CMPK1: variants seen among roughly 807,000 people sequenced by gnomAD.
CMPK1 encodes UMP-CMP kinase.
A neutral mutation model predicts 25.7 loss-of-function variants in CMPK1; 10 were observed. The observed-to-expected ratio is 0.39, with a 90% CI of 0.24 to 0.66. The LOEUF is 0.66. Ranked by LOEUF, CMPK1 falls within the 30% of genes least tolerant of loss-of-function variation. The pLI is 0.48. For synonymous variants in CMPK1, 106 were observed against 101.5 expected, an observed-to-expected ratio of 1.04 and a Z score of -0.27; for missense variants, 199 against 280.5, an observed-to-expected ratio of 0.71 and a Z score of 2.08.
intron 5 of CMPK1, among the ~76,000 whole-genome samples, chr1:47,376,094 TA>T (rs1483615779): frequency 6.6e-6 from 1 of 151,860 alleles, no homozygotes; most frequent in African/African-American, 2.4e-5. Context: ...TTTATCAAAT[TA>T]TTGGTAGCCT....
At chr1:47,359,686 G>T (rs1390701374) in intron 1 of CMPK1, among the ~76,000 whole-genome samples, 2 of 151,930 alleles carry the variant, frequency 1.3e-5, no homozygotes, top group East Asian at 3.9e-4. Flanking sequence ...CCCACACCTG[G>T]CCTGAAACCT....
chr1:47,375,308 C>A lies in CMPK1; in HGVS notation c.645+15C>A, dbSNP rs759415022. The A allele has an allele frequency of 2.7e-6, 4 of 1,472,646 alleles. No homozygotes were observed. In the African/African-American group the frequency reaches 4.3e-5, roughly 16 times the overall value. The allele number at this position is 1,472,646 out of a possible 1,614,324, so 91.2% of individuals were successfully genotyped here. A position where few individuals can be genotyped will look rare whatever the true frequency, so the allele number is the denominator to read the frequency against. On this transcript the variant is annotated intron_variant, in intron 5 of 5. Coordinates refer to ENST00000371873, the MANE Select transcript of CMPK1 (RefSeq NM_016308.3). ...CTGTTGATGAAGTAAGTGTTCCTAG[C>A]CTGTCTTTAAAAAAATATGTCAAAT... is the stretch of plus-strand genomic sequence containing the variant.
In CMPK1 at chr1:47,377,457, G is replaced by A. The variant is rs1473152996; in HGVS notation, c.*712G>A. On this transcript the variant is annotated 3_prime_UTR_variant, in exon 6 of 6. Transcript: ENST00000371873. ...GGGGCAAGGATCACATCTAATGCTT[G>A]TGTTCCTTATACTCTATTATATAGT... is the stretch of plus-strand genomic sequence containing the variant. 1.3e-5 allele frequency: 2 copies of A among 152,170 alleles called. No individual in the cohort carries two copies. Among genetic ancestry groups the A allele is most frequent in the African/African-American group, 4.8e-5 (2 of 41,444 alleles). 9.4% of individuals were successfully genotyped at this position (152,170 alleles called of 1,614,324 possible).
intron 2 of CMPK1, 76 bp downstream of exon 2, chr1:47,368,691 T>A: frequency 7.7e-7 from 1 of 1,302,594 alleles, no homozygotes; most frequent in Non-Finnish European, 1.0e-6. Flanking sequence ...GCCAGGCAGT[T>A]GCTCATGCTT....
Position 47,358,393 on chromosome 1 carries a change from A to T in CMPK1, c.172-10076A>T, listed in dbSNP as rs1162193149. ...CTTCCAAAGTGCTGAGATTACAGGC[A>T]TGAGCCACAGTGCGTAGTCCCTGTT... On this transcript the variant is annotated intron_variant, in intron 1 of 5. Coordinates refer to ENST00000371873, the MANE Select transcript of CMPK1 (RefSeq NM_016308.3). 4 of 1,275,656 alleles carry T rather than the reference A, an allele frequency of 3.1e-6. No homozygotes were observed. In the East Asian group the frequency reaches 2.3e-4, roughly 72 times the overall value. 79.0% of individuals were successfully genotyped at this position (1,275,656 alleles called of 1,614,324 possible).
chr1:47,353,220 G>A (rs990967977), intron 1 of CMPK1, among the ~76,000 whole-genome samples: 1 of 152,214 alleles, frequency 6.6e-6, no homozygotes, highest in African/African-American at 2.4e-5. Context: ...AAACTCAAAT[G>A]TCTGGAGTAG....
intron 1 of CMPK1, among the ~76,000 whole-genome samples, chr1:47,348,018 G>A (rs914523735): frequency 1.1e-4 from 16 of 152,118 alleles, no homozygotes; most frequent in African/African-American, 3.4e-4. Context: ...ATTAAACCCA[G>A]GGCACTATTG....
intron 1 of CMPK1, among the ~76,000 whole-genome samples, chr1:47,360,013 A>T (rs1458915797): frequency 6.6e-6 from 1 of 152,170 alleles, no homozygotes; most frequent in African/African-American, 2.4e-5. Flanking sequence ...TTCTTAAGAT[A>T]TTGCTTCTTC....
intron 5 of CMPK1, among the ~76,000 whole-genome samples, chr1:47,375,581 C>G (rs1646702732): frequency 6.6e-6 from 1 of 151,950 alleles, no homozygotes; most frequent in African/African-American, 2.4e-5. Flanking sequence ...AGGTTTATAA[C>G]TTCAAACTTG....
chr1:47,343,091 A>G (rs1170845385), intron 1 of CMPK1, among the ~76,000 whole-genome samples: 4 of 150,876 alleles, frequency 2.7e-5, no homozygotes, highest in African/African-American at 9.7e-5. Context: ...GATTCAAGCA[A>G]TTCTTGTGCC....
At chr1:47,363,930 G>A (rs951769580) in intron 1 of CMPK1, among the ~76,000 whole-genome samples, 1 of 151,762 alleles carries the variant, frequency 6.6e-6, no homozygotes, top group Non-Finnish European at 1.5e-5. Context: ...GTGATCGACC[G>A]AGATTCCGTC....
chr1:47,356,714 G>A (rs1646563025), intron 1 of CMPK1, among the ~76,000 whole-genome samples: 1 of 152,130 alleles, frequency 6.6e-6, no homozygotes, highest in South Asian at 2.1e-4. Context: ...AGGCTGAAGT[G>A]CAGTGGTGCA....
At chr1:47,340,304 C>CAAAA (rs749595776) in intron 1 of CMPK1, among the ~76,000 whole-genome samples, 1 of 123,710 alleles carries the variant, frequency 8.1e-6, no homozygotes, top group African/African-American at 2.9e-5. Flanking sequence ...GACTCCGTCT[C>CAAAA]AAAAAAAAAA....
At position 47,374,942 on chromosome 1, in the gene CMPK1, A is replaced by G. The variant is rs1646697914; in HGVS notation, c.505A>G (p.Ser169Gly). Residue 169 changes from serine to glycine, a missense_variant, in exon 4 of 6, where the codon AGT becomes GGT. Physicochemically the swap from Ser to Gly is moderately conservative, Grantham distance 56 (BLOSUM62 0). Coordinates refer to ENST00000371873, the MANE Select transcript of CMPK1 (RefSeq NM_016308.3). Reference sequence around the variant, plus strand: ...TGAACGATGTCTTGAGAGGGGAAAGAGTAGTGGTAGGAGTGATGACAACAG... The same window carrying G: ...TGAACGATGTCTTGAGAGGGGAAAGGGTAGTGGTAGGAGTGATGACAACAG... ...CIERCLERGK[S>G]SGRSDDNRES... 1.2e-6 allele frequency: 2 copies of G among 1,613,196 alleles called. No individual in the cohort carries two copies. Among genetic ancestry groups the G allele is most frequent in the South Asian group, 1.1e-5 (1 of 91,060 alleles).
intron 2 of CMPK1, among the ~76,000 whole-genome samples, chr1:47,371,517 G>A (rs1485629481): frequency 6.6e-6 from 1 of 152,132 alleles, no homozygotes; most frequent in African/African-American, 2.4e-5. Flanking sequence ...CAGTCTGTTT[G>A]AAAATCATTC....
chr1:47,348,979 A>G (rs1646503508), intron 1 of CMPK1, among the ~76,000 whole-genome samples: 1 of 152,166 alleles, frequency 6.6e-6, no homozygotes, highest in South Asian at 2.1e-4. Flanking sequence ...GCTATGTATC[A>G]TTTGAAGGGC....
At chr1:47,369,625 G>C (rs4926840) in intron 2 of CMPK1, among the ~76,000 whole-genome samples, 1 of 151,122 alleles carries the variant, frequency 6.6e-6, no homozygotes, top group African/African-American at 2.4e-5. Context: ...GTAGTGGCGC[G>C]ATCTCGGCTC....
At chr1:47,359,118 A>T (rs1646583379) in intron 1 of CMPK1, among the ~76,000 whole-genome samples, 1 of 152,086 alleles carries the variant, frequency 6.6e-6, no homozygotes, top group Admixed American at 6.6e-5. Context: ...GGAGATCGAG[A>T]CCATCCTGGC....
At chr1:47,366,961 G>A (rs1389257556) in intron 1 of CMPK1, among the ~76,000 whole-genome samples, 2 of 152,086 alleles carry the variant, frequency 1.3e-5, no homozygotes, top group African/African-American at 4.8e-5. Flanking sequence ...CCTGACCTCA[G>A]GTGATCCACC....
Sources: gnomAD v4.1 joint callset for allele counts (sites outside exome capture counted in the v4.1 genomes callset) on GRCh38, gnomAD v4.1.1 for gene constraint, MANE v1.5 for transcripts, NCBI Gene and HGNC (gene_info 2026-07-23, HGNC 2026-07-21) for gene names.